LOC122513141: variants seen among roughly 807,000 people sequenced by gnomAD.
At chr9:137,217,632 C>T in the LOC122513141 span, 2 of 212,308 alleles carry the variant, frequency 9.4e-6, no homozygotes, top group Non-Finnish European at 1.9e-5. Flanking sequence ...CCAGAGCAGG[C>T]AGGCCTTGCT....
At chr9:137,218,823 A>G in the LOC122513141 span, 1 of 394,414 alleles carries the variant, frequency 2.5e-6, no homozygotes, top group Non-Finnish European at 4.5e-6. Flanking sequence ...CTGCCCAGAC[A>G]CTAGCTGAAC....
At chr9:137,218,304 C>T in the LOC122513141 span, 4 of 398,198 alleles carry the variant, frequency 1.0e-5, no homozygotes, top group African/African-American at 4.1e-5. Flanking sequence ...TCACGCCAGC[C>T]CCGCCGAGAG....
the LOC122513141 span, chr9:137,219,328 G>A: frequency 6.6e-6 from 1 of 151,880 alleles, no homozygotes; most frequent in East Asian, 1.9e-4. Flanking sequence ...ATCCTGGAAC[G>A]TGAAGCAGCT....
At chr9:137,217,684 G>T in the LOC122513141 span, 1 of 302,100 alleles carries the variant, frequency 3.3e-6, no homozygotes, top group Non-Finnish European at 6.1e-6. Context: ...AGAGCCAGCC[G>T]GGAGGTCAGT....
chr9:137,217,693 G>C, the LOC122513141 span: 3 of 321,060 alleles, frequency 9.3e-6, no homozygotes, highest in South Asian at 3.2e-4. Context: ...CGGGAGGTCA[G>C]TGCCAGAGCT....
the LOC122513141 span, chr9:137,218,065 AGAG>A: frequency 5.0e-6 from 2 of 399,244 alleles, no homozygotes; most frequent in Middle Eastern, 6.3e-4. Context: ...GGCAGGGGGA[AGAG>A]GAGGAGTGCC....
At chr9:137,217,743 C>T in the LOC122513141 span, 4 of 381,314 alleles carry the variant, frequency 1.0e-5, no homozygotes, top group East Asian at 1.5e-4. Context: ...AGGGCCGCCC[C>T]TGTCGCCGCC....
the LOC122513141 span, chr9:137,217,740 C>T: frequency 2.6e-6 from 1 of 378,900 alleles, no homozygotes; most frequent in Non-Finnish European, 4.7e-6. Flanking sequence ...CTGAGGGCCG[C>T]CCCTGTCGCC....
At chr9:137,218,873 C>T in the LOC122513141 span, 3 of 376,064 alleles carry the variant, frequency 8.0e-6, no homozygotes. Context: ...CTGGAGGAGG[C>T]CAGCCCAGCA....
the LOC122513141 span, chr9:137,218,555 C>T: frequency 7.5e-6 from 3 of 399,794 alleles, no homozygotes; most frequent in African/African-American, 2.1e-5. Context: ...CACGCCGCTC[C>T]TGCTGCTGGG....
the LOC122513141 span, chr9:137,218,765 C>T: frequency 5.0e-6 from 2 of 397,016 alleles, no homozygotes; most frequent in Non-Finnish European, 8.9e-6. Context: ...GAACCCACAA[C>T]CAGGGCTACC....
At chr9:137,218,463 T>G in the LOC122513141 span, 1 of 398,530 alleles carries the variant, frequency 2.5e-6, no homozygotes, top group Non-Finnish European at 4.4e-6. Context: ...CTCTGGACCC[T>G]GCGGGAGCGG....
chr9:137,217,572 G>A, the LOC122513141 span: 1 of 168,218 alleles, frequency 5.9e-6, no homozygotes, highest in Non-Finnish European at 1.3e-5. Context: ...CTGAGGCTGG[G>A]CTCCAGCCAG....
the LOC122513141 span, chr9:137,219,094 G>C: frequency 6.5e-6 from 1 of 154,586 alleles, no homozygotes; most frequent in Non-Finnish European, 1.4e-5. Context: ...TGTCCCTGAA[G>C]GTCAGGCCAG....
the LOC122513141 span, chr9:137,218,514 C>G: frequency 2.5e-6 from 1 of 400,578 alleles, no homozygotes. Context: ...AGCCTGCTGG[C>G]CCTTGAGCTT....
chr9:137,218,366 C>G, the LOC122513141 span: 65 of 398,292 alleles, frequency 1.6e-4, no homozygotes, highest in Non-Finnish European at 2.7e-4. Context: ...CCTGGAGCAC[C>G]GCTACCAGCT....
At chr9:137,217,638 T>G in the LOC122513141 span, 1 of 213,786 alleles carries the variant, frequency 4.7e-6, no homozygotes, top group Admixed American at 5.9e-5. Context: ...CAGGCAGGCC[T>G]TGCTGGGGCC....
the LOC122513141 span, chr9:137,218,057 C>T: frequency 5.0e-6 from 2 of 399,434 alleles, no homozygotes; most frequent in Middle Eastern, 6.3e-4. Flanking sequence ...GGCAGCAGGG[C>T]AGGGGGAAGA....
At chr9:137,219,255 C>A in the LOC122513141 span, 1 of 152,288 alleles carries the variant, frequency 6.6e-6, no homozygotes, top group Non-Finnish European at 1.5e-5. Flanking sequence ...TGCCCCTGCA[C>A]ACCCTCATGT....
Sources: allele counts gnomAD v4.1 joint callset, GRCh38; gene constraint gnomAD v4.1.1; transcripts MANE v1.5.